The following ITPR1 variants were observed in gnomAD, a reference collection of about 807,000 sequenced individuals.
ITPR1 encodes the protein inositol 1,4,5-trisphosphate-gated calcium channel ITPR1.
Under a neutral mutation model 318.4 loss-of-function variants are expected in ITPR1, and 96 were observed. The observed-to-expected ratio is 0.30, with a 90% CI of 0.26 to 0.36. The LOEUF (loss-of-function observed/expected upper bound fraction) is 0.36, where lower values mean the gene tolerates loss of function less well. Ranked by LOEUF, ITPR1 falls within the 10% of genes least tolerant of loss-of-function variation. ITPR1 has a pLI of 1.00. For missense variants in ITPR1, 2,440 were observed against 3,460.2 expected (o/e 0.71, Z 7.40); for synonymous variants, 1,312 against 1,289.9 (o/e 1.02, Z -0.37).
chr3:4,751,461 A>G (rs3792494), intron 44 of ITPR1: 11,797 of 152,266 alleles, frequency 0.077, 859 homozygotes, highest in East Asian at 0.26. Flanking sequence ...CCACCAGAGC[A>G]GAGACACTTA....
intron 44 of ITPR1, among the ~76,000 whole-genome samples, chr3:4,752,395 A>C (rs1243102729): frequency 6.6e-6 from 1 of 152,112 alleles, no homozygotes; most frequent in African/African-American, 2.4e-5. Flanking sequence ...TTAACAGTTA[A>C]CTCGATGGAT....
rs541510678 is a variant in ITPR1 at position 4,703,079 on chromosome 3, C to T, written c.4657+129C>T. ...ACAGACAGGAAGTTTCAGAGCCAGA[C>T]CCGGAACCAAGGTCTTCTTGATTGC... On this transcript the variant is annotated intron_variant, in intron 36 of 61. Coordinates refer to ENST00000649015, the MANE Select transcript of ITPR1 (RefSeq NM_001378452.1). The T allele has an allele frequency of 5.8e-6, 6 of 1,027,938 alleles. No homozygotes were observed. In the African/African-American group the frequency reaches 6.4e-5, roughly 11 times the overall value. 63.7% of individuals were successfully genotyped at this position (1,027,938 alleles called of 1,614,324 possible). A position where few individuals can be genotyped will look rare whatever the true frequency, so the allele number is the denominator to read the frequency against.
chr3:4,751,875 C>G (rs1184709840), intron 44 of ITPR1, among the ~76,000 whole-genome samples: 1 of 152,144 alleles, frequency 6.6e-6, no homozygotes, highest in Admixed American at 6.5e-5. Context: ...CCCCTGCTTC[C>G]CTGAGAACTG....
intron 38 of ITPR1, among the ~76,000 whole-genome samples, chr3:4,711,352 A>G (rs1301299088): frequency 6.6e-6 from 1 of 151,604 alleles, no homozygotes; most frequent in Non-Finnish European, 1.5e-5. Context: ...AACTGTGTGT[A>G]TTGGCCTCAA....
intron 49 of ITPR1, among the ~76,000 whole-genome samples, chr3:4,780,051 T>A (rs1026936020): frequency 6.6e-6 from 1 of 151,892 alleles, no homozygotes. Context: ...TGAGTTCAAG[T>A]CCATAGCTCT....
intron 4 of ITPR1, among the ~76,000 whole-genome samples, chr3:4,529,254 T>A (rs1484934450): frequency 1.3e-5 from 2 of 152,232 alleles, no homozygotes; most frequent in African/African-American, 4.8e-5. Flanking sequence ...GGAGAACCAT[T>A]TTCACTATGT....
At position 4,527,060 on chromosome 3, in the gene ITPR1, C is replaced by T. The variant is rs555351178; in HGVS notation, c.163+5966C>T. On this transcript the variant is annotated intron_variant, in intron 4 of 61. Coordinates refer to ENST00000649015, the MANE Select transcript of ITPR1 (RefSeq NM_001378452.1). ...TGTGCAGCACCCTGAGACCAGAGCGCATCTATTTGGTACCTGATGCCATTT... is the reference window on the plus strand; with the variant it reads ...TGTGCAGCACCCTGAGACCAGAGCGTATCTATTTGGTACCTGATGCCATTT... Among the ~76,000 whole-genome samples, 16 of 152,318 alleles carry T rather than the reference C, an allele frequency of 1.1e-4. No individual in the cohort carries two copies. In the South Asian group the frequency reaches 2.5e-3, roughly 24 times the overall value.
chr3:4,806,008 G>T (rs534549563), intron 54 of ITPR1, 95 bp from the exon 55 acceptor site: 3 of 1,096,528 alleles, frequency 2.7e-6, no homozygotes, highest in South Asian at 3.5e-5. Context: ...TTTGGGCACG[G>T]TGACTGAAAT....
At chr3:4,590,515 G>C (rs1034006036) in intron 4 of ITPR1, among the ~76,000 whole-genome samples, 10 of 149,574 alleles carry the variant, frequency 6.7e-5, no homozygotes, top group African/African-American at 2.2e-4. Context: ...CATGTATTTT[G>C]TTCTTCTTAA....
intron 4 of ITPR1, among the ~76,000 whole-genome samples, chr3:4,542,958 A>G (rs1388014127): frequency 1.3e-5 from 2 of 152,186 alleles, no homozygotes; most frequent in African/African-American, 4.8e-5. Flanking sequence ...TCTGTGTATT[A>G]ATTGATACTG....
Position 4,627,825 on chromosome 3 carries a change from G to T in ITPR1, c.226G>T (p.Ala76Ser). Residue 76 changes from alanine to serine, a missense_variant, in exon 5 of 62, where the codon GCT (alanine) becomes TCT (serine). Around this residue, in one of 23 missense-constraint regions of ITPR1, gnomAD observed 186 missense variants for 323.9 expected, o/e 0.57. Coordinates refer to ENST00000649015, the MANE Select transcript of ITPR1 (RefSeq NM_001378452.1). ...YSAQKQFWKA[A>S]KPGANSTTDA... The stretch of plus-strand genomic sequence containing the variant: ...TGCCCAAAAGCAGTTCTGGAAAGCC[G>T]CTAAGCCTGGGGCCAACAGCACCAC... 6.2e-7 allele frequency: 1 copy of T among 1,613,600 alleles called. No homozygotes were observed. The highest frequency in any genetic ancestry group is 2.2e-5 in the East Asian group (1 of 44,872).
intron 49 of ITPR1, 104 bp from the exon 50 acceptor site, chr3:4,782,515 G>T: frequency 8.0e-7 from 1 of 1,249,330 alleles, no homozygotes; most frequent in South Asian, 1.7e-5. Flanking sequence ...GTGCGGAACA[G>T]CCTTTTCCCT....
intron 46 of ITPR1, among the ~76,000 whole-genome samples, chr3:4,769,877 A>G (rs2046075107): frequency 6.6e-6 from 1 of 152,188 alleles, no homozygotes. Context: ...TTTCTTCCGA[A>G]TGGGTCTGGA....
intron 19 of ITPR1, among the ~76,000 whole-genome samples, chr3:4,670,061 G>A (rs547081871): frequency 1.3e-5 from 2 of 152,182 alleles, no homozygotes; most frequent in Non-Finnish European, 2.9e-5. Context: ...AAAACTCTTT[G>A]TAAGTGTGAC....
chr3:4,519,245 T>A (rs546671389), intron 3 of ITPR1, among the ~76,000 whole-genome samples: 19 of 152,246 alleles, frequency 1.2e-4, no homozygotes, highest in African/African-American at 4.1e-4. Context: ...TTTTTTTTCT[T>A]GAGATGGAGT....
rs1054604962 is a variant in ITPR1 at position 4,773,511 on chromosome 3, C to T, written c.5980-1731C>T. The stretch of plus-strand genomic sequence containing the variant: ...TCTTCAAGTCCTTTTTCTATATATT[C>T]GAATGGGAACATTTGTTACATATTA... On this transcript the variant is annotated intron_variant, in intron 46 of 61. Transcript: ENST00000649015. Among the ~76,000 whole-genome samples the T allele has an allele frequency of 4.6e-5, 7 of 151,924 alleles. No individual in the cohort carries two copies. The East Asian group carries it at 5.8e-4, about 13-fold the overall frequency.
At chr3:4,620,864 A>T (rs192604839) in intron 4 of ITPR1, among the ~76,000 whole-genome samples, 1 of 152,014 alleles carries the variant, frequency 6.6e-6, no homozygotes, top group Non-Finnish European at 1.5e-5. Context: ...TGGATTTGTG[A>T]TACTGACTTC....
intron 4 of ITPR1, among the ~76,000 whole-genome samples, chr3:4,609,411 A>G (rs933404267): frequency 2.0e-5 from 3 of 152,046 alleles, no homozygotes; most frequent in Non-Finnish European, 4.4e-5. Context: ...TATTTAGGGT[A>G]TATACACGAC....
At chr3:4,698,584 C>A (rs2094595302) in intron 34 of ITPR1, among the ~76,000 whole-genome samples, 1 of 152,042 alleles carries the variant, frequency 6.6e-6, no homozygotes, top group African/African-American at 2.4e-5. Context: ...ATGAAAGTAG[C>A]CATGGCAAGC....
Sources: gnomAD v4.1 joint callset for allele counts (sites outside exome capture counted in the v4.1 genomes callset) on GRCh38, gnomAD v4.1.1 for gene constraint, gnomAD v4.1.1 regional missense constraint, MANE v1.5 for transcripts, NCBI Gene and HGNC (gene_info 2026-07-23, HGNC 2026-07-21) for gene names.